JAKMIP1: variants seen among roughly 807,000 people sequenced by gnomAD.
JAKMIP1 encodes janus kinase and microtubule interacting protein 1.
A neutral mutation model predicts 113.0 loss-of-function variants in JAKMIP1; 33 were observed. That is an observed-to-expected ratio of 0.29 (90% CI 0.22 to 0.39). The LOEUF (loss-of-function observed/expected upper bound fraction) is 0.39, where lower values mean the gene tolerates loss of function less well. Among genes scored for constraint, JAKMIP1 ranks in the 10% least tolerant of loss-of-function variants. The pLI is 1.00. For synonymous variants in JAKMIP1, 480 were observed against 459.9 expected (o/e 1.04, Z -0.56); for missense variants, 813 against 1,080.5 (o/e 0.75, Z 3.47).
chr4:6,170,265 C>CCACCACCACCAT (rs1261854722), intron 1 of JAKMIP1, among the ~76,000 whole-genome samples: 1 of 148,092 alleles, frequency 6.8e-6, no homozygotes, highest in Non-Finnish European at 1.5e-5. Flanking sequence ...CTTCTCACCA[C>CCACCACCACCAT]CACCACCACC....
chr4:6,099,922 C>A (rs958239391), intron 3 of JAKMIP1, among the ~76,000 whole-genome samples: 2 of 152,182 alleles, frequency 1.3e-5, no homozygotes, highest in African/African-American at 4.8e-5. Context: ...CACGGCTGCT[C>A]CACGTCCTTG....
chr4:6,062,616 C>G (rs535371235), intron 9 of JAKMIP1, among the ~76,000 whole-genome samples, 176 bp from the exon 10 acceptor site: 2 of 152,342 alleles, frequency 1.3e-5, no homozygotes, highest in African/African-American at 4.8e-5. Context: ...GCTTAAGGAG[C>G]CTCGCATTGC....
Position 6,162,408 on chromosome 4 carries a change from G to A in JAKMIP1, c.-148+37845C>T, listed in dbSNP as rs1276365872. 6.6e-6 allele frequency among the ~76,000 whole-genome samples: 1 copy of A among 152,144 alleles called. No homozygotes were observed. The highest frequency in any genetic ancestry group is 6.5e-5 in the Admixed American group (1 of 15,280). On this transcript the variant is annotated intron_variant, in intron 1 of 20. Coordinates refer to ENST00000409021, the MANE Select transcript of JAKMIP1 (RefSeq NM_001099433.2). The surrounding 1 kb of genome is among the most constrained non-coding windows in gnomAD (Gnocchi z 5.6). ...CCCAACCCTGGTCTTTGCTGGTGAG[G>A]GTCCTGGGGAAGTCACCTCCAGAGG... is the stretch of plus-strand genomic sequence containing the variant.
At chr4:6,190,573 C>T (rs573690325) in intron 1 of JAKMIP1, among the ~76,000 whole-genome samples, 1 of 152,334 alleles carries the variant, frequency 6.6e-6, no homozygotes, top group East Asian at 1.9e-4. Context: ...AAGGAGAGGC[C>T]TGGGGAGGAA....
intron 3 of JAKMIP1, among the ~76,000 whole-genome samples, chr4:6,098,753 A>T (rs1712488156): frequency 6.7e-6 from 1 of 150,102 alleles, no homozygotes; most frequent in South Asian, 2.1e-4. Flanking sequence ...GGAAGGAAGG[A>T]AAGAAAGAGA....
At chr4:6,175,625 T>C (rs1308749001) in intron 1 of JAKMIP1, among the ~76,000 whole-genome samples, 3 of 152,210 alleles carry the variant, frequency 2.0e-5, no homozygotes, top group Non-Finnish European at 2.9e-5. Flanking sequence ...CACTCCAGCA[T>C]GGCTGGCACC....
rs551389092 is a variant in JAKMIP1, at chr4:6,138,013, CCAGAGGTGG to C, written c.-147-25025_-147-25017del. ...ACAGTGGCTCCCAATGCCCCAGCTC[CCAGAGGTGG>C]CAGAGGTGGCAGCTCCCGAGAGGCC... On this transcript the variant is annotated intron_variant, in intron 1 of 20. Coordinates refer to ENST00000409021, the MANE Select transcript of JAKMIP1 (RefSeq NM_001099433.2). The surrounding 1 kb of genome is among the most constrained non-coding windows in gnomAD (Gnocchi z 6.0). 7.2e-5 allele frequency among the ~76,000 whole-genome samples: 11 copies of C among 152,284 alleles called. No homozygotes were observed. In the South Asian group the frequency reaches 1.2e-3, roughly 17 times the overall value.
chr4:6,061,975 G>T lies in JAKMIP1; in HGVS notation c.1560+337C>A, dbSNP rs941220387. On this transcript the variant is annotated intron_variant, in intron 10 of 20. Coordinates refer to ENST00000409021, the MANE Select transcript of JAKMIP1 (RefSeq NM_001099433.2). This position sits in a 1 kb window ranked among gnomAD's most constrained non-coding sequence, Gnocchi z 5.3. ...TGGAGGGCGGGGGGCTGGCAGCCCT[G>T]GAGGGAGCGGAGCCTGAAGCCTGCA... 6.6e-6 allele frequency among the ~76,000 whole-genome samples: 1 copy of T among 152,216 alleles called. No individual in the cohort carries two copies. The highest frequency in any genetic ancestry group is 1.5e-5 in the Non-Finnish European group (1 of 68,038).
intron 20 of JAKMIP1, 27 bp downstream of exon 20, chr4:6,029,689 G>A (rs1432425874): frequency 1.3e-6 from 2 of 1,512,502 alleles, no homozygotes; most frequent in Non-Finnish European, 1.8e-6. Context: ...AAGAAACCTG[G>A]GGACAGTCTG....
At chr4:6,062,862 G>A (rs1179313286) in intron 9 of JAKMIP1, among the ~76,000 whole-genome samples, 1 of 152,232 alleles carries the variant, frequency 6.6e-6, no homozygotes, top group Admixed American at 6.5e-5. Flanking sequence ...ATCCTAAAGA[G>A]ATGGCCGGGC....
intron 1 of JAKMIP1, among the ~76,000 whole-genome samples, chr4:6,152,990 G>T (rs115967437): frequency 2.8e-3 from 421 of 151,948 alleles, no homozygotes; most frequent in African/African-American, 9.9e-3. Context: ...AAAAAGAAGT[G>T]GGCATCCCTT....
chr4:6,159,985 G>A lies in JAKMIP1; in HGVS notation c.-148+40268C>T, dbSNP rs902194640. Among the ~76,000 whole-genome samples the A allele has an allele frequency of 1.4e-4, 21 of 152,180 alleles. No individual in the cohort carries two copies. The Middle Eastern group carries it at 0.01, about 74-fold the overall frequency. ...AGAAAAGCCCACATCAGACACTCAC[G>A]GACGTCACAACCCTAATGATCAGGA... On this transcript the variant is annotated intron_variant, in intron 1 of 20. Coordinates refer to ENST00000409021, the MANE Select transcript of JAKMIP1 (RefSeq NM_001099433.2).
At chr4:6,114,704 A>G (rs533650060) in intron 1 of JAKMIP1, among the ~76,000 whole-genome samples, 4 of 152,378 alleles carry the variant, frequency 2.6e-5, no homozygotes, top group Admixed American at 6.5e-5. Context: ...CCAGAAAGGT[A>G]CATTCTGTCT....
rs1717230018 is a variant in JAKMIP1, at chr4:6,061,200, A to C, written c.1561-693T>G. 6.6e-6 allele frequency among the ~76,000 whole-genome samples: 1 copy of C among 152,236 alleles called. No individual in the cohort carries two copies. The highest frequency in any genetic ancestry group is 6.5e-5 in the Admixed American group (1 of 15,290). On this transcript the variant is annotated intron_variant, in intron 10 of 20. Transcript: ENST00000409021. This position sits in a 1 kb window ranked among gnomAD's most constrained non-coding sequence, Gnocchi z 5.3. ...TTCTCTATAGAATCTCTTGATTTTTAAATGTTGGCAAGTAGATGAAATTTA... is the reference window on the plus strand; with the variant it reads ...TTCTCTATAGAATCTCTTGATTTTTCAATGTTGGCAAGTAGATGAAATTTA...
At chr4:6,102,950 G>C (rs1713319467) in intron 3 of JAKMIP1, among the ~76,000 whole-genome samples, 1 of 151,668 alleles carries the variant, frequency 6.6e-6, no homozygotes, top group African/African-American at 2.4e-5. Flanking sequence ...AGCCAGGATG[G>C]TCTCAATCTC....
chr4:6,111,801 C>T (rs1226523264), intron 2 of JAKMIP1, among the ~76,000 whole-genome samples: 2 of 152,204 alleles, frequency 1.3e-5, no homozygotes. Context: ...TAGCTCATAT[C>T]GCAGAACCAG....
rs1304722953 is a variant in JAKMIP1, at chr4:6,180,351, C to A, written c.-148+19902G>T. 6.6e-6 allele frequency among the ~76,000 whole-genome samples: 1 copy of A among 152,146 alleles called. No individual in the cohort carries two copies. The highest frequency in any genetic ancestry group is 1.9e-4 in the East Asian group (1 of 5,200). On this transcript the variant is annotated intron_variant, in intron 1 of 20. Coordinates refer to ENST00000409021, the MANE Select transcript of JAKMIP1 (RefSeq NM_001099433.2). The surrounding 1 kb of genome is among the most constrained non-coding windows in gnomAD (Gnocchi z 4.5). The stretch of plus-strand genomic sequence containing the variant: ...GAACATAATGAAGCTTCCTTTAGAA[C>A]ATTCTGTGCACGTGAAGTCTTCTTT...
Position 6,134,920 on chromosome 4 carries a change from AACC to A in JAKMIP1, c.-147-21926_-147-21924del, listed in dbSNP as rs1719013907. Among the ~76,000 whole-genome samples, 4 of 152,004 alleles carry A rather than the reference AACC, an allele frequency of 2.6e-5. No individual in the cohort carries two copies. In the South Asian group the frequency reaches 8.3e-4, roughly 32 times the overall value. On this transcript the variant is annotated intron_variant, in intron 1 of 20. Coordinates refer to ENST00000409021, the MANE Select transcript of JAKMIP1 (RefSeq NM_001099433.2). ...AAAACACGCAGTGTAGATGCAGATAAACCACGGTGGATGCCCAGAGGCAAGAGA... is the reference window on the plus strand; with the variant it reads ...AAAACACGCAGTGTAGATGCAGATAAACGGTGGATGCCCAGAGGCAAGAGA...
At position 6,186,971 on chromosome 4, in the gene JAKMIP1, G is replaced by A. The variant is rs899173261; in HGVS notation, c.-148+13282C>T. The stretch of plus-strand genomic sequence containing the variant: ...AGCCTCCTAAGTAGCTGGGACTACA[G>A]ACACACAACACCATGCCTGGCTAAT... On this transcript the variant is annotated intron_variant, in intron 1 of 20. Transcript: ENST00000409021. The surrounding 1 kb of genome is among the most constrained non-coding windows in gnomAD (Gnocchi z 5.5). 6.6e-6 allele frequency among the ~76,000 whole-genome samples: 1 copy of A among 152,120 alleles called. No individual in the cohort carries two copies. The highest frequency in any genetic ancestry group is 2.4e-5 in the African/African-American group (1 of 41,430).
Sources: gnomAD v4.1 joint callset for allele counts (sites outside exome capture counted in the v4.1 genomes callset) on GRCh38, gnomAD v4.1.1 for gene constraint, Gnocchi (gnomAD v3.1) non-coding constraint, MANE v1.5 for transcripts, NCBI Gene and HGNC (gene_info 2026-07-23, HGNC 2026-07-21) for gene names.